SHPRH: variants seen among roughly 807,000 people sequenced by gnomAD.
The protein encoded by SHPRH is E3 ubiquitin-protein ligase SHPRH.
A neutral mutation model predicts 202.5 loss-of-function variants in SHPRH; 106 were observed. The observed-to-expected ratio is 0.52, with a 90% CI of 0.45 to 0.62. SHPRH has a LOEUF of 0.62. SHPRH is among the 20% of genes least tolerant of loss of function. SHPRH has a pLI of 0.00. For synonymous variants in SHPRH, 729 were observed against 686.0 expected, an observed-to-expected ratio of 1.06 and a Z score of -0.98; for missense variants, 1,710 against 2,020.0, an observed-to-expected ratio of 0.85 and a Z score of 2.94.
chr6:145,933,077 G>A lies in SHPRH; in HGVS notation c.3092C>T (p.Ala1031Val). The change falls in exon 14 of 30, where the codon GCA becomes GTA. Residue 1031 changes from alanine (A) to valine (V), a missense_variant. Coordinates refer to ENST00000275233, the MANE Select transcript of SHPRH (RefSeq NM_001042683.3). ...TCTACCTTTAATAATATGAATGCCT[G>A]CTAAGCCATTGAGAGCACAAACTAG... ...RQLVCALNGL[A>V]GIHIIKGEYA... The A allele has an allele frequency of 6.2e-7, 1 of 1,613,626 alleles. No individual in the cohort carries two copies. Among genetic ancestry groups the A allele is most frequent in the Non-Finnish European group, 8.5e-7 (1 of 1,179,756 alleles).
Position 145,964,032 on chromosome 6 carries a change from G to A in SHPRH, c.-334C>T, listed in dbSNP as rs1226968731. The A allele has an allele frequency of 1.3e-5, 2 of 152,238 alleles. No homozygotes were observed. The highest frequency in any genetic ancestry group is 2.4e-5 in the African/African-American group (1 of 41,444). The allele number at this position is 152,238 out of a possible 1,614,324, so 9.4% of individuals were successfully genotyped here. Reference sequence around the variant, plus strand: ...AGACTCGCGCAGCGGCTCCCTCTCAGCCCTTGAGCTTCCCGGGCTCCAGGA... The same window carrying A: ...AGACTCGCGCAGCGGCTCCCTCTCAACCCTTGAGCTTCCCGGGCTCCAGGA... On this transcript the variant is annotated 5_prime_UTR_variant, in exon 1 of 30. Coordinates refer to ENST00000275233, the MANE Select transcript of SHPRH (RefSeq NM_001042683.3).
chr6:145,898,023 G>T, intron 25 of SHPRH, among the ~76,000 whole-genome samples: 1 of 151,880 alleles, frequency 6.6e-6, no homozygotes, highest in East Asian at 1.9e-4. Context: ...GAGCAATTAG[G>T]CAAGAAAAAG....
At chr6:145,899,713 A>G (rs1375066813) in intron 25 of SHPRH, among the ~76,000 whole-genome samples, 1 of 152,136 alleles carries the variant, frequency 6.6e-6, no homozygotes, top group African/African-American at 2.4e-5. Flanking sequence ...ATAATCAACA[A>G]AGACAATCTA....
At position 145,885,868 on chromosome 6, in the gene SHPRH, A is replaced by G. The variant is rs2128705271; in HGVS notation, c.*823T>C. 1.3e-5 allele frequency: 2 copies of G among 152,246 alleles called. No individual in the cohort carries two copies. The highest frequency in any genetic ancestry group is 6.8e-3 in the Middle Eastern group (2 of 292). 9.4% of individuals were successfully genotyped at this position (152,246 alleles called of 1,614,324 possible). A position where few individuals can be genotyped will look rare whatever the true frequency, so the allele number is the denominator to read the frequency against. ...TAATGATTAAAAAAAAAACCCTGCCATATTTCCATGTTATAATAAAACAAA... is the reference window on the plus strand; with the variant it reads ...TAATGATTAAAAAAAAAACCCTGCCGTATTTCCATGTTATAATAAAACAAA... On this transcript the variant is annotated 3_prime_UTR_variant, in exon 30 of 30. Coordinates refer to ENST00000275233, the MANE Select transcript of SHPRH (RefSeq NM_001042683.3).
chr6:145,913,628 T>C (rs1783691274), intron 23 of SHPRH, 79 bp from the exon 24 acceptor site: 5 of 1,139,828 alleles, frequency 4.4e-6, no homozygotes, highest in Non-Finnish European at 6.3e-6. Flanking sequence ...AACTCATTTA[T>C]GGAAGTGAAT....
intron 14 of SHPRH, 120 bp from the exon 15 acceptor site, chr6:145,927,397 T>G: frequency 1.1e-6 from 1 of 919,816 alleles, no homozygotes; most frequent in Non-Finnish European, 1.6e-6. Context: ...TAACTTTTTT[T>G]AAGTAAAGAA....
chr6:145,960,734 A>G (rs1789002246), intron 1 of SHPRH, among the ~76,000 whole-genome samples: 1 of 152,226 alleles, frequency 6.6e-6, no homozygotes, highest in South Asian at 2.1e-4. Context: ...CAGCAGTACT[A>G]GAAATTTGGC....
intron 2 of SHPRH, among the ~76,000 whole-genome samples, chr6:145,867,629 T>TAG (rs1269534768): frequency 2.3e-3 from 101 of 43,886 alleles, no homozygotes; most frequent in East Asian, 2.9e-3. Flanking sequence ...TATATATATA[T>TAG]ATAGAGAGAG....
rs1788348039 is a variant in SHPRH, at chr6:145,954,935, T to C, written c.388A>G (p.Ile130Val). ...ATACTCCTTTCGGAAAAATTTTCAA[T>C]TAAACTCTGTGCAGGAAGAAGCTGA... Reference protein sequence around the residue: ...TLQLLPAQSLIENFSERSITL... With the variant: ...TLQLLPAQSLVENFSERSITL... Residue 130 changes from isoleucine (I) to valine (V), a missense_variant, in exon 2 of 30, where the codon ATT (isoleucine) becomes GTT (valine). Coordinates refer to ENST00000275233, the MANE Select transcript of SHPRH (RefSeq NM_001042683.3). 1.2e-6 allele frequency: 2 copies of C among 1,613,870 alleles called. No individual in the cohort carries two copies. The highest frequency in any genetic ancestry group is 2.7e-5 in the African/African-American group (2 of 75,050).
intron 23 of SHPRH, among the ~76,000 whole-genome samples, chr6:145,915,991 C>A (rs972206856): frequency 6.6e-6 from 1 of 152,024 alleles, no homozygotes; most frequent in Non-Finnish European, 1.5e-5. Context: ...TACAAGTATG[C>A]TAGATCAAAC....
intron 28 of SHPRH, among the ~76,000 whole-genome samples, chr6:145,888,383 A>T (rs977376582): frequency 6.6e-6 from 1 of 152,164 alleles, no homozygotes; most frequent in Non-Finnish European, 1.5e-5. Context: ...GATGGGAATG[A>T]GGCCAGTAGG....
At chr6:145,863,393 A>G (rs1196241840), downstream of SHPRH, among the ~76,000 whole-genome samples, 1 of 152,256 alleles carries the variant, frequency 6.6e-6, no homozygotes, top group Non-Finnish European at 1.5e-5. Flanking sequence ...TTCCAAAGGA[A>G]TGGATGGATA....
chr6:145,886,563 A>G lies in SHPRH; in HGVS notation c.*128T>C. On this transcript the variant is annotated 3_prime_UTR_variant, in exon 30 of 30. Coordinates refer to ENST00000275233, the MANE Select transcript of SHPRH (RefSeq NM_001042683.3). ...ACTAAGCCACTGTATAACCAGAACA[A>G]TAAACAAATTCATTCAACTAGGAAC... is the stretch of plus-strand genomic sequence containing the variant. The G allele has an allele frequency of 2.0e-6, 3 of 1,486,166 alleles. No individual in the cohort carries two copies. Among genetic ancestry groups the G allele is most frequent in the South Asian group, 1.4e-5 (1 of 73,606 alleles). The allele number at this position is 1,486,166 out of a possible 1,614,324, so 92.1% of individuals were successfully genotyped here.
intron 25 of SHPRH, among the ~76,000 whole-genome samples, chr6:145,897,821 A>G (rs1782145591): frequency 6.6e-6 from 1 of 152,118 alleles, no homozygotes; most frequent in Non-Finnish European, 1.5e-5. Context: ...AATTCAACAT[A>G]CTTCAATAAA....
chr6:145,866,542 C>T (rs1018387751), intron 2 of SHPRH, among the ~76,000 whole-genome samples: 1 of 151,102 alleles, frequency 6.6e-6, no homozygotes, highest in African/African-American at 2.4e-5. Flanking sequence ...AAATACAAGA[C>T]AAACAGGACG....
rs1787367254 is a variant in SHPRH, at chr6:145,946,297, T to C, written c.1257A>G (p.Gly419=). ...NYFIPSHYFG[G]KLKKTEIQNI... ...TCTGGATTTCTGTCTTTTTCAGTTTTCCTCCAAAATAATGTGACGGAATAA... is the reference window on the plus strand; with the variant it reads ...TCTGGATTTCTGTCTTTTTCAGTTTCCCTCCAAAATAATGTGACGGAATAA... Residue 419 remains glycine, a synonymous_variant, in exon 7 of 30, where the codon GGA becomes GGG. Transcript: ENST00000275233. 1 of 1,608,832 alleles carries C rather than the reference T, an allele frequency of 6.2e-7. No homozygotes were observed. Among genetic ancestry groups the C allele is most frequent in the African/African-American group, 1.3e-5 (1 of 74,706 alleles).
At chr6:145,933,386 T>C (rs575291776) in intron 13 of SHPRH, among the ~76,000 whole-genome samples, 2 of 152,260 alleles carry the variant, frequency 1.3e-5, no homozygotes, top group South Asian at 4.2e-4. Context: ...TTTTTCCCAT[T>C]TCAGTAAAGG....
At chr6:145,867,521 G>T (rs1162678583) in intron 2 of SHPRH, among the ~76,000 whole-genome samples, 7 of 149,536 alleles carry the variant, frequency 4.7e-5, no homozygotes, top group African/African-American at 1.7e-4. Context: ...AGTCCGGGAG[G>T]CTGAAGCTGC....
At chr6:145,868,920 CCT>C in intron 2 of SHPRH, among the ~76,000 whole-genome samples, 1 of 152,126 alleles carries the variant, frequency 6.6e-6, no homozygotes, top group Middle Eastern at 3.2e-3. Context: ...AATAATAATG[CCT>C]CTCATATTTA....
Sources: allele counts gnomAD v4.1 joint callset (sites outside exome capture counted in the v4.1 genomes callset), GRCh38; gene constraint gnomAD v4.1.1; transcripts MANE v1.5; gene names NCBI Gene and HGNC (gene_info 2026-07-23, HGNC 2026-07-21).